TRABD2B: variants seen among roughly 807,000 people sequenced by gnomAD.
The protein encoded by TRABD2B is TraB domain containing 2B, also known as metalloprotease TIKI2.
Under a neutral mutation model 40.1 loss-of-function variants are expected in TRABD2B, and 14 were observed. The ratio of observed to expected loss-of-function variants is 0.35; its 90% CI spans 0.23 to 0.55. The LOEUF is 0.55. Among genes scored for constraint, TRABD2B ranks in the 20% least tolerant of loss-of-function variants. The pLI is 0.90. For missense variants in TRABD2B, 541 were observed against 648.6 expected (o/e 0.83, Z 1.80); for synonymous variants, 263 against 277.0 (o/e 0.95, Z 0.50).
rs1418016762 is a variant in TRABD2B, at chr1:47,762,439, C to T, written c.*3463G>A. The T allele has an allele frequency of 6.6e-6, 1 of 152,230 alleles. No individual in the cohort carries two copies. Among genetic ancestry groups the T allele is most frequent in the Non-Finnish European group, 1.5e-5 (1 of 68,052 alleles). 9.4% of individuals were successfully genotyped at this position (152,230 alleles called of 1,614,324 possible). On this transcript the variant is annotated 3_prime_UTR_variant, in exon 7 of 7. Transcript: ENST00000606738. ...TGTCCTTCACAGCATTTTCAATAGA[C>T]TTTCCTTTTGGTAGAAGGACTTTCC...
At chr1:47,942,021 C>T (rs1453456663) in intron 2 of TRABD2B, among the ~76,000 whole-genome samples, 1 of 152,194 alleles carries the variant, frequency 6.6e-6, no homozygotes, top group East Asian at 1.9e-4. Context: ...TGGTGCAACA[C>T]AGGAGTTCAG....
chr1:47,972,775 C>G (rs1190510411), intron 2 of TRABD2B, among the ~76,000 whole-genome samples: 1 of 152,074 alleles, frequency 6.6e-6, no homozygotes, highest in Non-Finnish European at 1.5e-5. Flanking sequence ...CTTTCCAATC[C>G]TTTCTCTCGC....
intron 2 of TRABD2B, among the ~76,000 whole-genome samples, chr1:47,841,109 C>T (rs772339644): frequency 4.6e-5 from 7 of 152,132 alleles, no homozygotes; most frequent in African/African-American, 7.2e-5. Context: ...AAATGACTGA[C>T]GAGGGGAGGG....
intron 2 of TRABD2B, chr1:47,820,096 T>C (rs6671927): frequency 0.26 from 39,152 of 152,122 alleles, 5,364 homozygotes; most frequent in Non-Finnish European, 0.3. Context: ...TCCTCACTTA[T>C]CATGTTTATT....
At chr1:47,861,051 T>C (rs1263658187) in intron 2 of TRABD2B, among the ~76,000 whole-genome samples, 1 of 152,208 alleles carries the variant, frequency 6.6e-6, no homozygotes, top group African/African-American at 2.4e-5. Flanking sequence ...TCTCTTCCAA[T>C]TCTCTTGTGC....
At chr1:47,852,504 G>C (rs918499410) in intron 2 of TRABD2B, among the ~76,000 whole-genome samples, 1 of 152,194 alleles carries the variant, frequency 6.6e-6, no homozygotes, top group African/African-American at 2.4e-5. Context: ...GCAACGCCAA[G>C]AATCTGAGCC....
intron 2 of TRABD2B, among the ~76,000 whole-genome samples, chr1:47,903,877 G>C (rs1351693916): frequency 2.6e-5 from 4 of 152,194 alleles, no homozygotes; most frequent in Non-Finnish European, 5.9e-5. Context: ...GGGCTCACCA[G>C]GCCAGGCTAC....
At chr1:47,908,093 T>A (rs1346462666) in intron 2 of TRABD2B, among the ~76,000 whole-genome samples, 1 of 152,160 alleles carries the variant, frequency 6.6e-6, no homozygotes, top group African/African-American at 2.4e-5. Context: ...AATGAGACCA[T>A]GGATATGTAT....
intron 2 of TRABD2B, among the ~76,000 whole-genome samples, chr1:47,882,973 CATA>C (rs555333559): frequency 3.9e-5 from 6 of 152,186 alleles, no homozygotes; most frequent in Non-Finnish European, 7.3e-5. Flanking sequence ...GTGGTAACAG[CATA>C]ACCCTGGGCA....
At chr1:47,924,646 G>A (rs1432578265) in intron 2 of TRABD2B, among the ~76,000 whole-genome samples, 1 of 152,118 alleles carries the variant, frequency 6.6e-6, no homozygotes, top group African/African-American at 2.4e-5. Context: ...GACAAACGAC[G>A]TGGCATTTTC....
chr1:47,766,397 C>T (rs61743306), intron 6 of TRABD2B, among the ~76,000 whole-genome samples: 3,232 of 152,126 alleles, frequency 0.021, 112 homozygotes, highest in African/African-American at 0.074. Context: ...AGAATGGGTC[C>T]CAGGCAGAAA....
intron 4 of TRABD2B, among the ~76,000 whole-genome samples, chr1:47,790,092 A>C (rs1406693489): frequency 6.6e-6 from 1 of 152,226 alleles, no homozygotes; most frequent in East Asian, 1.9e-4. Flanking sequence ...ACACAGTTGA[A>C]AGGAGATAAT....
At chr1:47,857,737 C>A (rs1383957592) in intron 2 of TRABD2B, among the ~76,000 whole-genome samples, 1 of 152,138 alleles carries the variant, frequency 6.6e-6, no homozygotes, top group Admixed American at 6.5e-5. Context: ...ACCCCTACTT[C>A]TAGGTGGTCT....
intron 2 of TRABD2B, among the ~76,000 whole-genome samples, chr1:47,821,122 G>C (rs1484408891): frequency 6.6e-6 from 1 of 152,132 alleles, no homozygotes; most frequent in Non-Finnish European, 1.5e-5. Context: ...GAGCTGAAAC[G>C]GCCTCCTGTT....
chr1:47,814,298 T>G (rs769702053), intron 2 of TRABD2B, among the ~76,000 whole-genome samples: 1 of 152,146 alleles, frequency 6.6e-6, no homozygotes, highest in African/African-American at 2.4e-5. Context: ...GACTTTACTC[T>G]ACGGACAATG....
intron 2 of TRABD2B, among the ~76,000 whole-genome samples, chr1:47,827,615 G>T (rs923385438): frequency 6.6e-6 from 1 of 152,236 alleles, no homozygotes; most frequent in Non-Finnish European, 1.5e-5. Context: ...TTGAGAAGGG[G>T]CCTATTAGGG....
At chr1:47,949,401 C>CTTTTTTTTTTTTTTTTTTTTTTTTTTTT (rs35027686) in intron 2 of TRABD2B, among the ~76,000 whole-genome samples, 1 of 80,280 alleles carries the variant, frequency 1.2e-5, no homozygotes, top group Non-Finnish European at 2.3e-5. Flanking sequence ...TCTTTTCTTT[C>CTTTTTTTTTTTTTTTTTTTTTTTTTTTT]TTTTTTTTTT....
chr1:47,942,632 T>C (rs1645203111), intron 2 of TRABD2B, among the ~76,000 whole-genome samples: 1 of 152,216 alleles, frequency 6.6e-6, no homozygotes, highest in African/African-American at 2.4e-5. Context: ...TAATGATGAC[T>C]ACTGCAACAA....
At chr1:47,908,514 A>T (rs1160007752) in intron 2 of TRABD2B, among the ~76,000 whole-genome samples, 1 of 152,130 alleles carries the variant, frequency 6.6e-6, no homozygotes, top group Non-Finnish European at 1.5e-5. Context: ...GATAAATTCC[A>T]TGGACGGACC....
Sources: gnomAD v4.1 joint callset for allele counts (sites outside exome capture counted in the v4.1 genomes callset) on GRCh38, gnomAD v4.1.1 for gene constraint, MANE v1.5 for transcripts, NCBI Gene and HGNC (gene_info 2026-07-23, HGNC 2026-07-21) for gene names.